JCAD: variants seen among roughly 807,000 people sequenced by gnomAD.
JCAD encodes the protein junctional cadherin 5 associated, also known as junctional cadherin 5-associated protein.
JCAD carries 40 observed loss-of-function variants against 98.0 expected under a neutral mutation model. That is an observed-to-expected ratio of 0.41 (90% confidence interval 0.32 to 0.53). JCAD has a LOEUF of 0.53. Among genes scored for constraint, JCAD ranks in the 20% least tolerant of loss-of-function variants. The probability of loss-of-function intolerance (pLI) is 0.31; values close to 1 mark genes in which losing one functional copy is unlikely to be tolerated. For synonymous variants in JCAD, 691 were observed against 682.3 expected (o/e 1.01, Z -0.20); for missense variants, 1,705 against 1,738.1 (o/e 0.98, Z 0.34).
At chr10:30,106,822 A>G (rs1360213192) in intron 1 of JCAD, among the ~76,000 whole-genome samples, 1 of 152,130 alleles carries the variant, frequency 6.6e-6, no homozygotes, top group Non-Finnish European at 1.5e-5. Context: ...TTTGAGCTTA[A>G]ATGCCTTGCA....
At position 30,027,150 on chromosome 10, in the gene JCAD, G is replaced by T; in HGVS notation, c.2998C>A (p.Gln1000Lys). 6.2e-7 allele frequency: 1 copy of T among 1,614,086 alleles called. No homozygotes were observed. The highest frequency in any genetic ancestry group is 8.5e-7 in the Non-Finnish European group (1 of 1,179,956). ...ASYPAEPREP[Q>K]ESPKITSAFS... is the part of the protein sequence containing the mutation. The stretch of plus-strand genomic sequence containing the variant: ...GCACTGGTGATTTTCGGACTTTCCT[G>T]GGGCTCCCTAGGTTCAGCTGGATAG... The change falls in exon 3 of 4, where the codon CAG becomes AAG. Residue 1000 changes from glutamine (Q) to lysine (K), a missense_variant. Physicochemically the swap from Gln to Lys is moderately conservative, Grantham distance 53. Transcript: ENST00000375377.
chr10:30,072,211 T>C (rs767384935), intron 1 of JCAD, among the ~76,000 whole-genome samples: 2 of 151,934 alleles, frequency 1.3e-5, no homozygotes, highest in African/African-American at 2.4e-5. Flanking sequence ...TAGAGGCATG[T>C]AAATTAGAAG....
At chr10:30,082,440 C>A (rs994150868) in intron 1 of JCAD, among the ~76,000 whole-genome samples, 2 of 152,050 alleles carry the variant, frequency 1.3e-5, no homozygotes, top group Non-Finnish European at 2.9e-5. Context: ...TGATATGGGC[C>A]GGGCGCAGTT....
intron 1 of JCAD, among the ~76,000 whole-genome samples, chr10:30,088,512 A>G (rs752246250): frequency 4.1e-4 from 63 of 152,328 alleles, no homozygotes; most frequent in Non-Finnish European, 7.6e-4. Context: ...AGATAGCAAG[A>G]TAAAGGCCCT....
rs551022664 is a variant in JCAD, at chr10:30,081,056, T to A, written n.129-11235A>T. Among the ~76,000 whole-genome samples the A allele has an allele frequency of 9.8e-5, 15 of 152,334 alleles. No individual in the cohort carries two copies. In the South Asian group the frequency reaches 2.9e-3, roughly 29 times the overall value. On this transcript the variant is annotated intron_variant and non_coding_transcript_variant, in intron 1 of 2. Coordinates refer to the JCAD transcript ENST00000465712. ...TCACTAAAGAACAATGGAACATATC[T>A]TTTCTCTGCCCCAAATCTCCTTACT...
rs1323753005 is a variant in JCAD at position 30,099,611 on chromosome 10, T to A, written n.128+15756A>T. The stretch of plus-strand genomic sequence containing the variant: ...AACAGGAAGGGGTATAATAAACATA[T>A]GAATATATATAATATAATTTTAAAT... On this transcript the variant is annotated intron_variant and non_coding_transcript_variant, in intron 1 of 2. Transcript: ENST00000465712. 2.0e-5 allele frequency among the ~76,000 whole-genome samples: 3 copies of A among 151,926 alleles called. No homozygotes were observed. In the East Asian group the frequency reaches 5.8e-4, roughly 29 times the overall value.
rs762863114 is a variant in JCAD at position 30,027,140 on chromosome 10, G to A, written c.3008C>T (p.Pro1003Leu). 3.7e-6 allele frequency: 6 copies of A among 1,614,046 alleles called. No individual in the cohort carries two copies. In the South Asian group the frequency reaches 4.4e-5, roughly 12 times the overall value. ...AGAGCTGAAAGCACTGGTGATTTTC[G>A]GACTTTCCTGGGGCTCCCTAGGTTC... is the stretch of plus-strand genomic sequence containing the variant. ...PAEPREPQES[P>L]KITSAFSSVK... Residue 1003 changes from proline (P) to leucine (L), a missense_variant, in exon 3 of 4, where the codon CCG (proline) becomes CTG (leucine). Around this residue, in one of 3 missense-constraint regions of JCAD, gnomAD observed 1,278 missense variants for 1,243.1 expected, o/e 1.03. Transcript: ENST00000375377.
intron 2 of JCAD, among the ~76,000 whole-genome samples, chr10:30,044,091 C>T (rs1837290319): frequency 6.6e-6 from 1 of 152,142 alleles, no homozygotes; most frequent in Non-Finnish European, 1.5e-5. Context: ...CACTCTCTCA[C>T]CTTCCACCAT....
chr10:30,027,446 C>T lies in JCAD; in HGVS notation c.2702G>A (p.Ser901Asn), dbSNP rs200885918. 1.9e-6 allele frequency: 3 copies of T among 1,604,684 alleles called. No individual in the cohort carries two copies. Among genetic ancestry groups the T allele is most frequent in the Admixed American group, 3.3e-5 (2 of 60,028 alleles). ...ACCTCTTCCCGACCTACACACAGGGCTCTCCGGCACCCACATCCTCGGCTG... is the reference window on the plus strand; with the variant it reads ...ACCTCTTCCCGACCTACACACAGGGTTCTCCGGCACCCACATCCTCGGCTG... Reference protein sequence around the residue: ...EPQPRMWVPESPVCRSGRGES... With the variant: ...EPQPRMWVPENPVCRSGRGES... The change falls in exon 3 of 4, where the codon AGC (serine) becomes AAC (asparagine). Residue 901 changes from serine to asparagine, a missense_variant. Physicochemically the swap from Ser to Asn is conservative, Grantham distance 46. Around this residue, in one of 3 missense-constraint regions of JCAD, gnomAD observed 1,278 missense variants for 1,243.1 expected, o/e 1.03. Coordinates refer to ENST00000375377, the MANE Select transcript of JCAD (RefSeq NM_020848.4).
chr10:30,017,889 C>G lies in JCAD; in HGVS notation c.4074G>C (p.Arg1358Ser), dbSNP rs1432951305. 1.9e-6 allele frequency: 3 copies of G among 1,612,758 alleles called. No individual in the cohort carries two copies. The highest frequency in any genetic ancestry group is 2.5e-6 in the Non-Finnish European group (3 of 1,179,090). ...AAGCTCCACCGGCATTTCATCACAC[C>G]CTCTCCACTCTGCTAGGGTCATAGG... is the stretch of plus-strand genomic sequence containing the variant. ...PDSYDPSRVE[R>S]V The change falls in exon 4 of 4, where the codon AGG (arginine) becomes AGC (serine). Residue 1358 changes from arginine (R) to serine (S), a missense_variant. Physicochemically the swap from Arg to Ser is moderately radical, Grantham distance 110. Coordinates refer to ENST00000375377, the MANE Select transcript of JCAD (RefSeq NM_020848.4).
Position 30,029,030 on chromosome 10 carries a change from T to C in JCAD, c.1118A>G (p.Gln373Arg), listed in dbSNP as rs770910214. The change falls in exon 3 of 4, where the codon CAG becomes CGG. Residue 373 changes from glutamine (Q) to arginine (R), a missense_variant. Gln to Arg is a conservative substitution (Grantham distance 43). Around this residue, in one of 3 missense-constraint regions of JCAD, gnomAD observed 275 missense variants for 346.9 expected, o/e 0.79. Transcript: ENST00000375377. ...CCCAGCCTTCTCGGTCGGAGACTGCTGTTGACTGTGACCGCCACACACATT... is the reference window on the plus strand; with the variant it reads ...CCCAGCCTTCTCGGTCGGAGACTGCCGTTGACTGTGACCGCCACACACATT... The part of the protein sequence containing the change: ...PINVCGGHSQ[Q>R]QSPTEKAGAS... The C allele has an allele frequency of 9.9e-6, 16 of 1,614,094 alleles. No individual in the cohort carries two copies. Among genetic ancestry groups the C allele is most frequent in the Non-Finnish European group, 1.3e-5 (15 of 1,180,024 alleles).
Position 30,016,034 on chromosome 10 carries a change from A to G in JCAD, c.*1849T>C. The G allele has an allele frequency of 6.6e-6, 1 of 152,228 alleles. No individual in the cohort carries two copies. The highest frequency in any genetic ancestry group is 1.9e-4 in the East Asian group (1 of 5,200). The allele number at this position is 152,228 out of a possible 1,614,324, so 9.4% of individuals were successfully genotyped here. On this transcript the variant is annotated 3_prime_UTR_variant, in exon 4 of 4. Coordinates refer to ENST00000375377, the MANE Select transcript of JCAD (RefSeq NM_020848.4). Reference sequence around the variant, plus strand: ...AAACTGGAGTGCACTCTCACTTTTCATAAGAGCTGAATTCTGGACTGCAGA... The same window carrying G: ...AAACTGGAGTGCACTCTCACTTTTCGTAAGAGCTGAATTCTGGACTGCAGA...
intron 2 of JCAD, among the ~76,000 whole-genome samples, chr10:30,038,593 G>T (rs1398559303): frequency 1.3e-5 from 2 of 151,698 alleles, no homozygotes; most frequent in Admixed American, 6.6e-5. Flanking sequence ...GAGATGAGCG[G>T]GAGGATTGCT....
At chr10:30,048,158 A>G (rs1279038348) in intron 1 of JCAD, among the ~76,000 whole-genome samples, 1 of 152,220 alleles carries the variant, frequency 6.6e-6, no homozygotes, top group East Asian at 1.9e-4. Flanking sequence ...GTGCTTAAGC[A>G]GTGACATGAT....
At position 30,027,065 on chromosome 10, in the gene JCAD, C is replaced by G. The variant is rs1484590628; in HGVS notation, c.3083G>C (p.Arg1028Thr). The stretch of plus-strand genomic sequence containing the variant: ...CAGGGACAGTGGGAGCCCTGCCCCC[C>G]TCTCTCCACCACTGTCAAACTTCCG... ...VPRKFDSGGE[R>T]GAGLPLSLSN... The change falls in exon 3 of 4, where the codon AGG becomes ACG. Residue 1028 changes from arginine to threonine, a missense_variant. Arg to Thr is a moderately conservative substitution (Grantham distance 71). This residue lies in a region of JCAD where 1,278 missense variants were observed against 1,243.1 expected (regional missense o/e 1.03). Coordinates refer to ENST00000375377, the MANE Select transcript of JCAD (RefSeq NM_020848.4). The G allele has an allele frequency of 6.2e-6, 10 of 1,614,126 alleles. No individual in the cohort carries two copies. The highest frequency in any genetic ancestry group is 8.5e-6 in the Non-Finnish European group (10 of 1,180,040).
chr10:30,022,787 C>T (rs1464599279), intron 3 of JCAD, among the ~76,000 whole-genome samples: 1 of 152,198 alleles, frequency 6.6e-6, no homozygotes. Context: ...TGAAACATTA[C>T]TGTCATCTAG....
At position 30,026,952 on chromosome 10, in the gene JCAD, C is replaced by T; in HGVS notation, c.3196G>A (p.Gly1066Arg). 6.2e-7 allele frequency: 1 copy of T among 1,614,186 alleles called. No homozygotes were observed. The highest frequency in any genetic ancestry group is 8.5e-7 in the Non-Finnish European group (1 of 1,180,032). Residue 1066 changes from glycine to arginine, a missense_variant, in exon 3 of 4, where the codon GGG (glycine) becomes AGG (arginine). Coordinates refer to ENST00000375377, the MANE Select transcript of JCAD (RefSeq NM_020848.4). ...GQEQGASELEGSLGEASTIEI... is the reference protein window; with the variant it reads ...GQEQGASELERSLGEASTIEI... ...ATTGTGCTTGCTTCACCCAAAGACC[C>T]CTCTAGCTCACTGGCACCCTGTTCT...
At chr10:30,100,055 C>G (rs1838443152) in intron 1 of JCAD, among the ~76,000 whole-genome samples, 1 of 152,110 alleles carries the variant, frequency 6.6e-6, no homozygotes, top group Admixed American at 6.5e-5. Context: ...AGGGGAAGGA[C>G]ACAGCAGCAG....
At position 30,026,375 on chromosome 10, in the gene JCAD, C is replaced by G. The variant is rs376613633; in HGVS notation, c.3773G>C (p.Arg1258Pro). The change falls in exon 3 of 4, where the codon CGC (arginine) becomes CCC (proline). Residue 1258 changes from arginine (R) to proline (P), a missense_variant. Coordinates refer to ENST00000375377, the MANE Select transcript of JCAD (RefSeq NM_020848.4). ...GCTCACCTCTTTCATTCTCATCAGG[C>G]GGTCAGGGTCTGCTCTCCTAGGCGG... Reference protein sequence around the residue: ...ASPPRRADPDRLMRMKEVSSV... With the variant: ...ASPPRRADPDPLMRMKEVSSV... The G allele has an allele frequency of 6.2e-7, 1 of 1,614,202 alleles. No individual in the cohort carries two copies. Among genetic ancestry groups the G allele is most frequent in the Non-Finnish European group, 8.5e-7 (1 of 1,180,036 alleles).
Sources: allele counts gnomAD v4.1 joint callset (sites outside exome capture counted in the v4.1 genomes callset), GRCh38; gene constraint gnomAD v4.1.1; regional missense constraint gnomAD v4.1.1; transcripts MANE v1.5; gene names NCBI Gene and HGNC (gene_info 2026-07-23, HGNC 2026-07-21).